The following HR variants were observed in gnomAD, a reference collection of about 807,000 sequenced individuals.
HR encodes HR lysine demethylase and nuclear receptor corepressor, also known as lysine-specific demethylase hairless.
In HR, 83 loss-of-function variants were observed where a neutral mutation model predicts 128.6. That is an observed-to-expected ratio of 0.65 (90% confidence interval 0.54 to 0.77). The LOEUF (loss-of-function observed/expected upper bound fraction) is 0.77. Ranked by LOEUF, HR falls within the 30% of genes least tolerant of loss-of-function variation. The pLI, the probability that HR is intolerant of heterozygous loss-of-function variation, is 0.00. For synonymous variants in HR, 681 were observed against 658.2 expected (o/e 1.03, Z -0.53); for missense variants, 1,490 against 1,574.6 (o/e 0.95, Z 0.91).
Position 22,128,908 on chromosome 8 carries a change from A to G in HR, c.263T>C (p.Val88Ala), listed in dbSNP as rs1011934075. The G allele has an allele frequency of 5.0e-6, 8 of 1,613,398 alleles. No homozygotes were observed. The highest frequency in any genetic ancestry group is 5.9e-6 in the Non-Finnish European group (7 of 1,179,980). ...TCCCTCTTTGCTGCCCAGCCAGTTGACCTTCCTCTCCCCATTCTGGGGGCC... is the reference window on the plus strand; with the variant it reads ...TCCCTCTTTGCTGCCCAGCCAGTTGGCCTTCCTCTCCCCATTCTGGGGGCC... ...GEGPQNGERK[V>A]NWLGSKEGLR... Residue 88 changes from valine to alanine, a missense_variant, in exon 2 of 19, where the codon GTC becomes GCC. Coordinates refer to ENST00000381418, the MANE Select transcript of HR (RefSeq NM_005144.5).
chr8:22,120,439 T>C lies in HR; in HGVS notation c.2679A>G (p.Ala893=). The change falls in exon 12 of 19, where the codon GCA becomes GCG. Residue 893 remains alanine, a synonymous_variant. Transcript: ENST00000381418. The stretch of plus-strand genomic sequence containing the variant: ...TCAGCGCCTGCACCTGGCCTCCAAG[T>C]GCCCCAAGAGCTTCTGTCCCCCACA... ...GNLWGTEALG[A]LGGQVQALSP... The C allele has an allele frequency of 6.2e-7, 1 of 1,614,034 alleles. No individual in the cohort carries two copies. The highest frequency in any genetic ancestry group is 1.1e-5 in the South Asian group (1 of 91,090).
Position 22,115,405 on chromosome 8 carries a change from C to T in HR, c.*295G>A, listed in dbSNP as rs1044334227. The stretch of plus-strand genomic sequence containing the variant: ...GAAGGGCTGTTTGTCTCCTGGGTCT[C>T]GGAGGAGTGGGGATTGGAGGAAGTC... On this transcript the variant is annotated 3_prime_UTR_variant, in exon 19 of 19. Coordinates refer to ENST00000381418, the MANE Select transcript of HR (RefSeq NM_005144.5). 6.4e-5 allele frequency: 35 copies of T among 543,916 alleles called. No homozygotes were observed. The highest frequency in any genetic ancestry group is 1.0e-3 in the Middle Eastern group (2 of 1,986). 33.7% of individuals were successfully genotyped at this position (543,916 alleles called of 1,614,324 possible). A position where few individuals can be genotyped will look rare whatever the true frequency, so the allele number is the denominator to read the frequency against.
intron 16 of HR, chr8:22,118,574 G>A: frequency 3.4e-6 from 1 of 295,596 alleles, no homozygotes. Context: ...TCCCAGCCCT[G>A]CCACTGAGCT....
chr8:22,120,231 C>T (rs79887822), intron 12 of HR, 58 bp from the exon 13 acceptor site: 21,598 of 1,599,064 alleles, frequency 0.014, 174 homozygotes, highest in Middle Eastern at 0.018. Context: ...CCTGCCCCGG[C>T]GGCAGCAACA....
chr8:22,115,808 G>A (rs1203769119), intron 18 of HR, 46 bp from the exon 19 acceptor site: 1 of 1,575,420 alleles, frequency 6.3e-7, no homozygotes, highest in Non-Finnish European at 8.7e-7. Flanking sequence ...ACATTCCTGG[G>A]CCCACCCGCT....
intron 2 of HR, 70 bp from the exon 3 acceptor site, chr8:22,127,899 T>G (rs983138369): frequency 7.7e-6 from 11 of 1,428,644 alleles, no homozygotes; most frequent in Admixed American, 1.7e-5. Context: ...TGGGCAGAAC[T>G]GACAAGCAAG....
chr8:22,127,243 A>C lies in HR; in HGVS notation c.1199T>G (p.Val400Gly), dbSNP rs771169649. The change falls in exon 3 of 19, where the codon GTC becomes GGC. Residue 400 changes from valine (V) to glycine (G), a missense_variant. Coordinates refer to ENST00000381418, the MANE Select transcript of HR (RefSeq NM_005144.5). ...GAGCCGAGCAACCGGCCTCTCCTCG[A>C]CCTCAGGGCAGCCGCGTGGACATTC... ...QFECPRGCPE[V>G]EERPVARLRA... The C allele has an allele frequency of 8.7e-6, 14 of 1,612,800 alleles. No individual in the cohort carries two copies. Among genetic ancestry groups the C allele is most frequent in the Admixed American group, 8.3e-5 (5 of 59,986 alleles).
intron 11 of HR, 86 bp downstream of exon 11, chr8:22,120,630 A>T (rs1826720043): frequency 6.4e-7 from 1 of 1,567,086 alleles, no homozygotes; most frequent in African/African-American, 1.4e-5. Context: ...CCCCTGAGCC[A>T]CTGGGTCTGT....
In HR at chr8:22,116,291, C is replaced by G; in HGVS notation, c.3507+9G>C. The G allele has an allele frequency of 6.2e-7, 1 of 1,611,914 alleles. No homozygotes were observed. The highest frequency in any genetic ancestry group is 8.5e-7 in the Non-Finnish European group (1 of 1,179,784). On this transcript the variant is annotated intron_variant, in intron 18 of 18. Transcript: ENST00000381418. The surrounding 1 kb of genome is among the most constrained non-coding windows in gnomAD (Gnocchi z 4.2). Reference sequence around the variant, plus strand: ...GCACACCCAGCCTGCTGGCCCACATCCCACTCACCTGGGCATAAAGCAGGT... The same window carrying G: ...GCACACCCAGCCTGCTGGCCCACATGCCACTCACCTGGGCATAAAGCAGGT...
intron 16 of HR, chr8:22,118,586 C>A (rs578133859): frequency 3.2e-6 from 1 of 313,226 alleles, no homozygotes; most frequent in Non-Finnish European, 6.1e-6. Flanking sequence ...CACTGAGCTT[C>A]GGTGTTCTCA....
rs774375984 is a variant in HR at position 22,121,602 on chromosome 8, G to T, written c.2203+11C>A. 6.2e-7 allele frequency: 1 copy of T among 1,613,778 alleles called. No individual in the cohort carries two copies. The highest frequency in any genetic ancestry group is 1.1e-5 in the South Asian group (1 of 91,064). On this transcript the variant is annotated intron_variant, in intron 9 of 18. Transcript: ENST00000381418. ...TCTTGCACAGGCCGAGGGGCAAGAG[G>T]AGCCGCTCACCCTCTTTGATGCTCT...
At chr8:22,119,708 C>T (rs377598450) in intron 14 of HR, 52 bp downstream of exon 14, 4 of 1,561,086 alleles carry the variant, frequency 2.6e-6, no homozygotes, top group East Asian at 4.5e-5. Flanking sequence ...CCCGAGATGA[C>T]AGGCAGACAG....
chr8:22,120,549 G>A, intron 11 of HR, 42 bp from the exon 12 acceptor site: 1 of 1,611,082 alleles, frequency 6.2e-7, no homozygotes, highest in Non-Finnish European at 8.5e-7. Context: ...GAATGGCCAG[G>A]GTGCCCGCCA....
intron 12 of HR, 72 bp downstream of exon 12, chr8:22,120,270 G>A (rs530372873): frequency 6.2e-7 from 1 of 1,611,436 alleles, no homozygotes; most frequent in African/African-American, 1.3e-5. Flanking sequence ...GGGTCACCCT[G>A]GGACTCCTCT....
intron 13 of HR, 29 bp downstream of exon 13, chr8:22,120,075 G>A: frequency 6.4e-7 from 1 of 1,573,366 alleles, no homozygotes; most frequent in Non-Finnish European, 8.6e-7. Flanking sequence ...TGGCGGGGAG[G>A]TAGGGCTGGC....
chr8:22,118,710 C>T (rs1326086752), intron 16 of HR: 23 of 580,240 alleles, frequency 4.0e-5, no homozygotes, highest in Non-Finnish European at 6.8e-5. Context: ...AGCTGGTGCT[C>T]TCATTTCATC....
intron 15 of HR, 25 bp downstream of exon 15, chr8:22,119,139 C>A: frequency 1.2e-6 from 2 of 1,613,742 alleles, no homozygotes; most frequent in Non-Finnish European, 1.7e-6. Flanking sequence ...CTTGTCCCCG[C>A]TCCTGCCTCT....
chr8:22,121,010 C>A, intron 10 of HR, 52 bp from the exon 11 acceptor site: 1 of 1,612,488 alleles, frequency 6.2e-7, no homozygotes, highest in Non-Finnish European at 8.5e-7. Flanking sequence ...ACAGGGAGGG[C>A]AGGCCCAGCC....
At chr8:22,129,505 C>T (rs547298650) in intron 1 of HR, among the ~76,000 whole-genome samples, 1 of 152,260 alleles carries the variant, frequency 6.6e-6, no homozygotes, top group Non-Finnish European at 1.5e-5. Context: ...AATCTGCTCA[C>T]GACCCATGAG....
Sources: allele counts gnomAD v4.1 joint callset (sites outside exome capture counted in the v4.1 genomes callset), GRCh38; gene constraint gnomAD v4.1.1; non-coding constraint Gnocchi (gnomAD v3.1); transcripts MANE v1.5; gene names NCBI Gene and HGNC (gene_info 2026-07-23, HGNC 2026-07-21).